Variants in GIGYF2 observed in about 807,000 individuals in gnomAD.
GIGYF2 encodes GRB10 interacting GYF protein 2.
In GIGYF2, 25 loss-of-function variants were observed where a neutral mutation model predicts 208.1. The ratio of observed to expected loss-of-function variants is 0.12; its 90% CI spans 0.09 to 0.17. The LOEUF (loss-of-function observed/expected upper bound fraction) is 0.17. Ranked by LOEUF, GIGYF2 falls within the 10% of genes least tolerant of loss-of-function variation. GIGYF2 has a pLI of 1.00. For missense variants in GIGYF2, 1,302 were observed against 1,579.4 expected (o/e 0.82, Z 2.98); for synonymous variants, 534 against 543.8 (o/e 0.98, Z 0.25).
In GIGYF2 at chr2:232,814,567, C is replaced by CG. The variant is rs1215222452; in HGVS notation, c.2108-1070_2108-1069insG. 2.6e-5 allele frequency among the ~76,000 whole-genome samples: 3 copies of CG among 114,864 alleles called. 1 individual carries two copies. The highest frequency in any genetic ancestry group is 9.5e-5 in the African/African-American group (3 of 31,518). The allele number at this position is 114,864 out of a possible 152,430, so 75.4% of individuals were successfully genotyped here. ...GACAGAGTGAGACTCCACCTCAAACCCCCCCCCCCCAAAAAAAAAGTACCT... is the reference window on the plus strand; with the variant it reads ...GACAGAGTGAGACTCCACCTCAAACCGCCCCCCCCCCAAAAAAAAAGTACCT... On this transcript the variant is annotated intron_variant, in intron 18 of 28. Transcript: ENST00000373563.
chr2:232,816,734 TG>T, intron 19 of GIGYF2, 136 bp from the exon 20 acceptor site: 1 of 717,298 alleles, frequency 1.4e-6, no homozygotes, highest in Admixed American at 2.1e-5. Context: ...GTTTATCTAT[TG>T]ATCTGTTGGA....
intron 14 of GIGYF2, among the ~76,000 whole-genome samples, chr2:232,802,448 C>T (rs1422740558): frequency 6.6e-6 from 1 of 152,028 alleles, no homozygotes; most frequent in African/African-American, 2.4e-5. Flanking sequence ...TTTCTTGACC[C>T]TTATGAAAGG....
intron 8 of GIGYF2, among the ~76,000 whole-genome samples, chr2:232,786,460 A>G (rs1014569598): frequency 2.0e-5 from 3 of 152,174 alleles, no homozygotes; most frequent in African/African-American, 7.2e-5. Context: ...CTGGTCTCCC[A>G]ACTCCTGACC....
At chr2:232,846,424 G>A (rs962273235) in intron 26 of GIGYF2, among the ~76,000 whole-genome samples, 10 of 152,036 alleles carry the variant, frequency 6.6e-5, no homozygotes, top group Admixed American at 2.0e-4. Flanking sequence ...TTTACAAACA[G>A]AACTGTCTCC....
chr2:232,711,937 A>T (rs1034662288), intron 2 of GIGYF2, among the ~76,000 whole-genome samples: 2 of 151,792 alleles, frequency 1.3e-5, no homozygotes, highest in African/African-American at 4.8e-5. Context: ...TTCTGTAAAT[A>T]TAAAATCCAT....
At chr2:232,804,882 G>T (rs1244884662) in intron 14 of GIGYF2, among the ~76,000 whole-genome samples, 1 of 148,624 alleles carries the variant, frequency 6.7e-6, no homozygotes, top group Non-Finnish European at 1.5e-5. Context: ...TATATTTTTG[G>T]GTTTCTAAGT....
chr2:232,793,965 A>AAGTCCCCT (rs1455924134), intron 12 of GIGYF2, among the ~76,000 whole-genome samples: 1 of 152,200 alleles, frequency 6.6e-6, no homozygotes, highest in African/African-American at 2.4e-5. Flanking sequence ...GTGAGAGTAG[A>AAGTCCCCT]AGTCCCCTTA....
intron 1 of GIGYF2, among the ~76,000 whole-genome samples, chr2:232,701,587 A>G (rs1482127434): frequency 6.6e-6 from 1 of 151,546 alleles, no homozygotes; most frequent in African/African-American, 2.4e-5. Context: ...ATGCCACCAC[A>G]TCTGGCCAAT....
At chr2:232,844,625 G>A in intron 25 of GIGYF2, 51 bp downstream of exon 25, 4 of 1,258,624 alleles carry the variant, frequency 3.2e-6, no homozygotes, top group Non-Finnish European at 4.6e-6. Context: ...TGGGAGGTGG[G>A]GATGGAGGAA....
chr2:232,776,353 G>T, intron 8 of GIGYF2: 2 of 870,152 alleles, frequency 2.3e-6, no homozygotes, highest in South Asian at 3.0e-5. Context: ...AAAATCTGTT[G>T]GAAGTAATCT....
At chr2:232,704,856 A>ATT (rs10689292) in intron 2 of GIGYF2, among the ~76,000 whole-genome samples, 1,953 of 101,802 alleles carry the variant, frequency 0.019, 191 homozygotes, top group African/African-American at 0.07. Context: ...TAACTTCTGG[A>ATT]TTTTTTTTTT....
intron 9 of GIGYF2, among the ~76,000 whole-genome samples, chr2:232,789,634 T>G (rs1700012028): frequency 6.6e-6 from 1 of 152,176 alleles, no homozygotes; most frequent in African/African-American, 2.4e-5. Flanking sequence ...TGCCCTTTGT[T>G]TTCCAATTTG....
At chr2:232,775,144 G>C (rs1699457289) in intron 8 of GIGYF2, among the ~76,000 whole-genome samples, 1 of 151,926 alleles carries the variant, frequency 6.6e-6, no homozygotes, top group South Asian at 2.1e-4. Context: ...AAGGAAGATT[G>C]ATTTCTGATT....
At chr2:232,813,001 AG>A (rs1700780505) in intron 18 of GIGYF2, among the ~76,000 whole-genome samples, 1 of 150,340 alleles carries the variant, frequency 6.7e-6, no homozygotes, top group Non-Finnish European at 1.5e-5. Context: ...ACTCTAAGAA[AG>A]AAAAAAAAAA....
intron 2 of GIGYF2, among the ~76,000 whole-genome samples, chr2:232,717,223 G>T (rs1278424644): frequency 6.6e-6 from 1 of 152,088 alleles, no homozygotes; most frequent in Non-Finnish European, 1.5e-5. Context: ...GAGGCAAGAG[G>T]ATCATTTGAA....
intron 5 of GIGYF2, among the ~76,000 whole-genome samples, chr2:232,753,193 G>C (rs1035713531): frequency 1.3e-5 from 2 of 151,522 alleles, no homozygotes; most frequent in African/African-American, 4.9e-5. Context: ...GTGTGATCTT[G>C]GCTCACTGCA....
At chr2:232,822,390 A>G (rs1156512039) in intron 21 of GIGYF2, among the ~76,000 whole-genome samples, 1 of 152,150 alleles carries the variant, frequency 6.6e-6, no homozygotes, top group Non-Finnish European at 1.5e-5. Context: ...TTAAAAGTTT[A>G]TTTTCCAGCA....
chr2:232,790,628 ATTCCTGATTTTC>A (rs1368432111), intron 9 of GIGYF2, 58 bp from the exon 10 acceptor site: 2 of 1,276,602 alleles, frequency 1.6e-6, no homozygotes, highest in African/African-American at 2.9e-5. Flanking sequence ...TTTATTTTCT[ATTCCTGATTTTC>A]TTATTCAAAT....
intron 2 of GIGYF2, among the ~76,000 whole-genome samples, chr2:232,728,419 G>A (rs951217020): frequency 3.9e-5 from 6 of 152,158 alleles, no homozygotes; most frequent in African/African-American, 1.4e-4. Context: ...CATTAATAGA[G>A]TTTGGACTAT....
Sources: gnomAD v4.1 joint callset for allele counts (sites outside exome capture counted in the v4.1 genomes callset) on GRCh38, gnomAD v4.1.1 for gene constraint, MANE v1.5 for transcripts, NCBI Gene and HGNC (gene_info 2026-07-23, HGNC 2026-07-21) for gene names.